Variants in MCF2L observed in about 807,000 individuals in gnomAD.
MCF2L encodes MCF.2 cell line derived transforming sequence like.
In MCF2L, 97 loss-of-function variants were observed where a neutral mutation model predicts 153.4. The ratio of observed to expected loss-of-function variants is 0.63; its 90% CI spans 0.54 to 0.75. MCF2L has a LOEUF of 0.75. Among genes scored for constraint, MCF2L ranks in the 30% least tolerant of loss-of-function variants. The probability of loss-of-function intolerance (pLI) is 0.00; values close to 1 mark genes in which losing one functional copy is unlikely to be tolerated. For synonymous variants in MCF2L, 659 were observed against 632.2 expected, an observed-to-expected ratio of 1.04 and a Z score of -0.64; for missense variants, 1,347 against 1,495.2, an observed-to-expected ratio of 0.90 and a Z score of 1.64.
chr13:113,076,386 T>C (rs936785359), intron 12 of MCF2L, among the ~76,000 whole-genome samples: 1 of 152,184 alleles, frequency 6.6e-6, no homozygotes. Flanking sequence ...TGCCTCAGCC[T>C]CCTGAGTAGC....
chr13:112,956,278 A>C (rs2081756492), intron 2 of MCF2L: 1 of 152,290 alleles, frequency 6.6e-6, no homozygotes, highest in African/African-American at 2.4e-5. Flanking sequence ...AGGTTAAAAA[A>C]AGAAAATGTT....
At chr13:113,020,135 G>A (rs1037600304) in intron 2 of MCF2L, among the ~76,000 whole-genome samples, 39 of 152,152 alleles carry the variant, frequency 2.6e-4, no homozygotes, top group Non-Finnish European at 3.4e-4. Flanking sequence ...GCAGGAGGAG[G>A]TTTTTATTTA....
intron 1 of MCF2L, among the ~76,000 whole-genome samples, chr13:112,995,378 C>T (rs892935902): frequency 1.3e-5 from 2 of 152,312 alleles, no homozygotes; most frequent in East Asian, 1.9e-4. Context: ...CCCAGTATAC[C>T]GTCAGCACTA....
At chr13:112,964,663 T>C (rs1035420589), upstream of MCF2L, among the ~76,000 whole-genome samples, 3 of 152,238 alleles carry the variant, frequency 2.0e-5, no homozygotes, top group Admixed American at 1.3e-4. Flanking sequence ...CTAGAAAACC[T>C]GATTAAAATT....
chr13:113,060,118 C>T (rs978897656), intron 4 of MCF2L, among the ~76,000 whole-genome samples: 2 of 152,192 alleles, frequency 1.3e-5, no homozygotes, highest in African/African-American at 4.8e-5. Flanking sequence ...CCTGGGTCTC[C>T]CTGGGTGTGG....
Position 113,074,849 on chromosome 13 carries a change from G to C in MCF2L, c.1117-149G>C, listed in dbSNP as rs760540422. 3.7e-6 allele frequency: 3 copies of C among 819,986 alleles called. No homozygotes were observed. The highest frequency in any genetic ancestry group is 1.7e-5 in the African/African-American group (1 of 58,646). 50.8% of individuals were successfully genotyped at this position (819,986 alleles called of 1,614,324 possible). On this transcript the variant is annotated intron_variant, in intron 10 of 29. Coordinates refer to ENST00000535094, the MANE Select transcript of MCF2L (RefSeq NM_001112732.3). The surrounding 1 kb of genome is among the most constrained non-coding windows in gnomAD (Gnocchi z 4.2). Reference sequence around the variant, plus strand: ...GAAGCACTTGCCACAGAACAGCTTCGGGGATTAAGCAGCATCTCAGGCATC... The same window carrying C: ...GAAGCACTTGCCACAGAACAGCTTCCGGGATTAAGCAGCATCTCAGGCATC...
chr13:113,087,993 G>C (rs577850429), intron 23 of MCF2L, among the ~76,000 whole-genome samples, 194 bp downstream of exon 23: 15 of 152,346 alleles, frequency 9.8e-5, no homozygotes, highest in Non-Finnish European at 1.5e-4. Context: ...CACATCAGAC[G>C]GGGTGCTGCG....
intron 4 of MCF2L, 128 bp from the exon 5 acceptor site, chr13:113,060,465 C>A: frequency 9.6e-7 from 1 of 1,042,366 alleles, no homozygotes; most frequent in Non-Finnish European, 1.4e-6. Flanking sequence ...CAGCATAAAC[C>A]TGCTGCGTTG....
At chr13:113,051,836 C>A (rs1367037553) in intron 4 of MCF2L, among the ~76,000 whole-genome samples, 1 of 152,106 alleles carries the variant, frequency 6.6e-6, no homozygotes, top group Non-Finnish European at 1.5e-5. Context: ...GGGCTGCCCC[C>A]GCTGCTTACA....
At chr13:113,015,660 C>T (rs1350761021) in intron 2 of MCF2L, among the ~76,000 whole-genome samples, 3 of 152,194 alleles carry the variant, frequency 2.0e-5, no homozygotes, top group Non-Finnish European at 4.4e-5. Flanking sequence ...GCCTTGGGGT[C>T]TGAGGGAGGC....
At chr13:113,007,914 T>G (rs951594230) in intron 1 of MCF2L, among the ~76,000 whole-genome samples, 8 of 119,242 alleles carry the variant, frequency 6.7e-5, no homozygotes, top group African/African-American at 2.6e-4. Context: ...TCTTTTCTTT[T>G]TCTTTTTTTT....
intron 1 of MCF2L, among the ~76,000 whole-genome samples, chr13:112,982,277 G>A (rs1432632302): frequency 2.0e-5 from 3 of 152,222 alleles, no homozygotes; most frequent in African/African-American, 7.2e-5. Flanking sequence ...GGCACAGGAT[G>A]TGGTGGCGTA....
intron 2 of MCF2L, among the ~76,000 whole-genome samples, chr13:112,954,677 C>T (rs367853323): frequency 2.4e-4 from 37 of 152,256 alleles, no homozygotes; most frequent in African/African-American, 8.9e-4. Flanking sequence ...CCCAGTGGCT[C>T]TAACCTGCCC....
At chr13:112,979,672 C>T (rs2140892713) in intron 1 of MCF2L, 2 of 1,612,922 alleles carry the variant, frequency 1.2e-6, no homozygotes, top group East Asian at 4.5e-5. Context: ...GGTTCGATGG[C>T]CGAGAAGGGA....
chr13:113,088,146 A>AT (rs374812357), intron 23 of MCF2L, among the ~76,000 whole-genome samples, 181 bp from the exon 24 acceptor site: 21 of 152,294 alleles, frequency 1.4e-4, no homozygotes, highest in African/African-American at 4.8e-4. Context: ...AGTCCCGTGC[A>AT]TGGGGCACAG....
chr13:112,901,995 A>G (rs1271484689), intron 1 of MCF2L, among the ~76,000 whole-genome samples: 2 of 152,232 alleles, frequency 1.3e-5, no homozygotes, highest in Non-Finnish European at 2.9e-5. Context: ...TCAGAGTTAT[A>G]GAAGAAGGTT....
Position 113,070,134 on chromosome 13 carries a change from G to C in MCF2L, c.957G>C (p.Gln319His). The C allele has an allele frequency of 1.9e-6, 3 of 1,607,670 alleles. No homozygotes were observed. Among genetic ancestry groups the C allele is most frequent in the East Asian group, 4.5e-5 (2 of 44,100 alleles). The change falls in exon 9 of 30, where the codon CAG (glutamine) becomes CAC (histidine). Residue 319 changes from glutamine to histidine, a missense_variant. By Grantham distance (24) the Gln-to-His change is conservative (BLOSUM62 0). Transcript: ENST00000535094. This position sits in a 1 kb window ranked among gnomAD's most constrained non-coding sequence, Gnocchi z 5.6. ...CAAAGCATCAGCAGAAACTGGAGCAGTGTCTGCAGCTCCGGCACTTTGAGC... is the reference window on the plus strand; with the variant it reads ...CAAAGCATCAGCAGAAACTGGAGCACTGTCTGCAGCTCCGGCACTTTGAGC... ...FWAKHQQKLE[Q>H]CLQLRHFEQG...
chr13:112,970,781 G>A (rs553202318), intron 1 of MCF2L, among the ~76,000 whole-genome samples: 54 of 152,208 alleles, frequency 3.5e-4, no homozygotes, highest in African/African-American at 1.2e-3. Flanking sequence ...AGACATGTGC[G>A]CATTTTTAAT....
chr13:112,929,056 C>A (rs566770961), intron 2 of MCF2L, among the ~76,000 whole-genome samples: 1 of 152,358 alleles, frequency 6.6e-6, no homozygotes, highest in East Asian at 1.9e-4. Context: ...AACAGAGGTT[C>A]AGAGTCCTCC....
Sources: allele counts gnomAD v4.1 joint callset (sites outside exome capture counted in the v4.1 genomes callset), GRCh38; gene constraint gnomAD v4.1.1; non-coding constraint Gnocchi (gnomAD v3.1); transcripts MANE v1.5; gene names NCBI Gene and HGNC (gene_info 2026-07-23, HGNC 2026-07-21).